Variants in RAP1A observed in about 807,000 individuals in gnomAD.
RAP1A encodes ras-related protein Rap-1A.
A neutral mutation model predicts 26.4 loss-of-function variants in RAP1A; 6 were observed. That is an observed-to-expected ratio of 0.23 (90% CI 0.12 to 0.45). The LOEUF (loss-of-function observed/expected upper bound fraction) is 0.45. Ranked by LOEUF, RAP1A falls within the 20% of genes least tolerant of loss-of-function variation. RAP1A has a pLI of 0.99. For synonymous variants in RAP1A, 73 were observed against 79.4 expected, an observed-to-expected ratio of 0.92 and a Z score of 0.43; for missense variants, 121 against 217.2, an observed-to-expected ratio of 0.56 and a Z score of 2.78.
chr1:111,589,237 T>C (rs747938250), intron 1 of RAP1A, among the ~76,000 whole-genome samples: 2 of 152,196 alleles, frequency 1.3e-5, no homozygotes, highest in African/African-American at 2.4e-5. Flanking sequence ...CACCATAGTA[T>C]ACCTTAGGCA....
rs142147066 is a variant in RAP1A, at chr1:111,666,053, C to G, written c.-27-25281C>G. Among the ~76,000 whole-genome samples the G allele has an allele frequency of 1.5e-3, 230 of 152,220 alleles. 1 individual carries two copies. Among genetic ancestry groups the G allele is most frequent in the South Asian group, 8.3e-3 (40 of 4,820 alleles). On this transcript the variant is annotated intron_variant, in intron 1 of 7. Coordinates refer to ENST00000369709, the MANE Select transcript of RAP1A (RefSeq NM_002884.4). ...CTGATGACATACGTAACCGTGATGA[C>G]TGACAGTTTAAACTGAAATCAATAA...
chr1:111,656,510 A>G (rs529421205), intron 1 of RAP1A, among the ~76,000 whole-genome samples: 2 of 152,010 alleles, frequency 1.3e-5, no homozygotes, highest in Non-Finnish European at 2.9e-5. Flanking sequence ...CCATCTCCCA[A>G]TTTCTTGCCT....
intron 1 of RAP1A, among the ~76,000 whole-genome samples, chr1:111,604,111 G>A (rs956742771): frequency 6.6e-6 from 1 of 152,222 alleles, no homozygotes; most frequent in Non-Finnish European, 1.5e-5. Context: ...TGAATGCGGA[G>A]GAAGTGGGTA....
At chr1:111,634,035 G>C (rs1161313544) in intron 1 of RAP1A, among the ~76,000 whole-genome samples, 7 of 152,276 alleles carry the variant, frequency 4.6e-5, no homozygotes, top group Admixed American at 3.9e-4. Context: ...GGCTGAGCCT[G>C]TAGTCAATTT....
chr1:111,628,135 A>G (rs547066439), intron 1 of RAP1A, among the ~76,000 whole-genome samples: 1 of 152,288 alleles, frequency 6.6e-6, no homozygotes, highest in South Asian at 2.1e-4. Flanking sequence ...TGTTGAGAGG[A>G]TTAGAATAAT....
intron 7 of RAP1A, among the ~76,000 whole-genome samples, chr1:111,710,903 T>C (rs1571580329): frequency 6.6e-6 from 1 of 152,224 alleles, no homozygotes; most frequent in East Asian, 1.9e-4. Context: ...CACACTCTGC[T>C]CACTGCAACC....
At chr1:111,707,303 A>G (rs1662225210) in intron 6 of RAP1A, among the ~76,000 whole-genome samples, 2 of 152,220 alleles carry the variant, frequency 1.3e-5, no homozygotes, top group African/African-American at 4.8e-5. Flanking sequence ...TTAAAGAAAT[A>G]CAATTATTTG....
At chr1:111,597,221 G>C (rs1331898458) in intron 1 of RAP1A, among the ~76,000 whole-genome samples, 1 of 152,088 alleles carries the variant, frequency 6.6e-6, no homozygotes, top group Non-Finnish European at 1.5e-5. Flanking sequence ...ATTGCAGCAC[G>C]GAGTGAAGAA....
At chr1:111,680,107 C>T (rs1052775576) in intron 1 of RAP1A, among the ~76,000 whole-genome samples, 18 of 152,188 alleles carry the variant, frequency 1.2e-4, no homozygotes, top group African/African-American at 4.3e-4. Context: ...AGACACCTCC[C>T]AGTGTGTCCA....
chr1:111,665,865 C>T (rs1660784910), intron 1 of RAP1A, among the ~76,000 whole-genome samples: 1 of 152,164 alleles, frequency 6.6e-6, no homozygotes, highest in Admixed American at 6.5e-5. Flanking sequence ...AGAAGACCAT[C>T]TCTTTCTTTT....
chr1:111,608,845 G>C (rs1348578022), intron 1 of RAP1A: 1 of 152,110 alleles, frequency 6.6e-6, no homozygotes, highest in Non-Finnish European at 1.5e-5. Context: ...AGCCGAGATG[G>C]CAGCAGTACA....
At chr1:111,632,183 CAT>C (rs778681811) in intron 1 of RAP1A, among the ~76,000 whole-genome samples, 5 of 148,900 alleles carry the variant, frequency 3.4e-5, no homozygotes, top group Middle Eastern at 7.1e-3. Context: ...AATATGAACT[CAT>C]AATTCTGGGT....
chr1:111,682,160 C>T (rs1462236358), intron 1 of RAP1A, among the ~76,000 whole-genome samples: 1 of 152,098 alleles, frequency 6.6e-6, no homozygotes, highest in East Asian at 1.9e-4. Context: ...ATTTTGTCAC[C>T]ACCAGGCCTG....
At chr1:111,577,752 A>G (rs751087674) in intron 1 of RAP1A, among the ~76,000 whole-genome samples, 30 of 152,164 alleles carry the variant, frequency 2.0e-4, no homozygotes, top group Non-Finnish European at 3.1e-4. Flanking sequence ...ATATAAAGTG[A>G]TTGGCTTTTA....
At chr1:111,674,679 T>C (rs1661071202) in intron 1 of RAP1A, among the ~76,000 whole-genome samples, 1 of 152,258 alleles carries the variant, frequency 6.6e-6, no homozygotes. Context: ...GGAGGTAGGC[T>C]ATCAACCACT....
At chr1:111,546,420 C>T (rs1318630195) in intron 1 of RAP1A, among the ~76,000 whole-genome samples, 2 of 152,138 alleles carry the variant, frequency 1.3e-5, no homozygotes, top group Non-Finnish European at 2.9e-5. Flanking sequence ...AGTAACTCCC[C>T]ATTCCTTCCT....
In RAP1A at chr1:111,699,450, C is replaced by T. The variant is rs527524408; in HGVS notation, c.183+1953C>T. On this transcript the variant is annotated intron_variant, in intron 4 of 7. Transcript: ENST00000369709. Reference sequence around the variant, plus strand: ...ATTACTCACTACTTTTTTCTTTATCCATCTCACTTCCTCTTTTTTTTTTTT... The same window carrying T: ...ATTACTCACTACTTTTTTCTTTATCTATCTCACTTCCTCTTTTTTTTTTTT... 4.4e-5 allele frequency among the ~76,000 whole-genome samples: 6 copies of T among 137,808 alleles called. No individual in the cohort carries two copies. In the South Asian group the frequency reaches 9.6e-4, roughly 22 times the overall value. 90.4% of individuals were successfully genotyped at this position (137,808 alleles called of 152,430 possible). A position where few individuals can be genotyped will look rare whatever the true frequency, so the allele number is the denominator to read the frequency against.
chr1:111,681,700 G>A (rs879361314), intron 1 of RAP1A, among the ~76,000 whole-genome samples: 8 of 152,218 alleles, frequency 5.3e-5, no homozygotes, highest in Non-Finnish European at 7.3e-5. Context: ...GTGGGACTAT[G>A]TGAAAAGACC....
chr1:111,655,624 A>G (rs1306374078), intron 1 of RAP1A, among the ~76,000 whole-genome samples: 2 of 132,862 alleles, frequency 1.5e-5, no homozygotes, highest in Admixed American at 7.3e-5. Context: ...TGATAAAACT[A>G]ATCTCCATGA....
Sources: gnomAD v4.1 joint callset for allele counts (sites outside exome capture counted in the v4.1 genomes callset) on GRCh38, gnomAD v4.1.1 for gene constraint, MANE v1.5 for transcripts, NCBI Gene and HGNC (gene_info 2026-07-23, HGNC 2026-07-21) for gene names.